SGPP2: variants seen among roughly 807,000 people sequenced by gnomAD.
The protein encoded by SGPP2 is sphingosine 1-phosphate phosphohydrolase 2.
Under a neutral mutation model 33.9 loss-of-function variants are expected in SGPP2, and 30 were observed. The ratio of observed to expected loss-of-function variants is 0.89; its 90% CI spans 0.66 to 1.20. The LOEUF (loss-of-function observed/expected upper bound fraction) is 1.20, where lower values mean the gene tolerates loss of function less well. Ranked by LOEUF, SGPP2 falls within the 50% of genes most tolerant of loss-of-function variation. The pLI is 0.00. For missense variants in SGPP2, 458 were observed against 532.1 expected, an observed-to-expected ratio of 0.86 and a Z score of 1.37; for synonymous variants, 233 against 225.0, an observed-to-expected ratio of 1.04 and a Z score of -0.32.
At chr2:222,543,488 A>G (rs917161465) in intron 4 of SGPP2, among the ~76,000 whole-genome samples, 1 of 152,244 alleles carries the variant, frequency 6.6e-6, no homozygotes, top group East Asian at 1.9e-4. Flanking sequence ...ATAAAGCTTA[A>G]TTTATAAATT....
chr2:222,505,788 A>T (rs866079252), intron 2 of SGPP2, among the ~76,000 whole-genome samples: 1 of 151,940 alleles, frequency 6.6e-6, no homozygotes, highest in African/African-American at 2.4e-5. Flanking sequence ...TACAAAAATT[A>T]TCTGGGTTTG....
intron 2 of SGPP2, among the ~76,000 whole-genome samples, chr2:222,492,129 T>A (rs1349866723): frequency 6.6e-6 from 1 of 152,204 alleles, no homozygotes; most frequent in Non-Finnish European, 1.5e-5. Flanking sequence ...TGGTGCAAGC[T>A]GTCAATGGAT....
At chr2:222,503,548 A>G (rs989563223) in intron 2 of SGPP2, among the ~76,000 whole-genome samples, 1 of 152,222 alleles carries the variant, frequency 6.6e-6, no homozygotes, top group African/African-American at 2.4e-5. Flanking sequence ...TGTATAAATT[A>G]CAGGCCATCA....
chr2:222,443,965 T>C (rs1349468305), intron 1 of SGPP2, among the ~76,000 whole-genome samples: 2 of 152,242 alleles, frequency 1.3e-5, no homozygotes, highest in Non-Finnish European at 2.9e-5. Flanking sequence ...AGATCATCTG[T>C]GGAAGTGCTG....
At chr2:222,546,743 T>G (rs182726932) in intron 4 of SGPP2, among the ~76,000 whole-genome samples, 1 of 151,488 alleles carries the variant, frequency 6.6e-6, no homozygotes, top group African/African-American at 2.4e-5. Context: ...TGTATTACTA[T>G]ATTGGAATAT....
intron 2 of SGPP2, among the ~76,000 whole-genome samples, chr2:222,492,381 C>A (rs780984910): frequency 1.3e-5 from 2 of 152,230 alleles, no homozygotes; most frequent in Admixed American, 6.5e-5. Flanking sequence ...TTCTGTGTGC[C>A]CACAGGCCCA....
intron 1 of SGPP2, among the ~76,000 whole-genome samples, chr2:222,467,720 A>G (rs1697766983): frequency 6.6e-6 from 1 of 152,068 alleles, no homozygotes; most frequent in Non-Finnish European, 1.5e-5. Context: ...GTTTTGTAAA[A>G]GAGCTTTGAA....
intron 2 of SGPP2, among the ~76,000 whole-genome samples, chr2:222,478,247 C>A (rs1203616461): frequency 6.9e-6 from 1 of 144,200 alleles, no homozygotes; most frequent in Non-Finnish European, 1.5e-5. Context: ...GTTTGTGCAT[C>A]TTCGTGTATG....
At chr2:222,549,321 G>A (rs1689252976) in intron 4 of SGPP2, among the ~76,000 whole-genome samples, 1 of 152,238 alleles carries the variant, frequency 6.6e-6, no homozygotes, top group Non-Finnish European at 1.5e-5. Context: ...GATGTTTGGA[G>A]ATAGAATGGA....
upstream of SGPP2, among the ~76,000 whole-genome samples, chr2:222,424,353 C>T (rs886361301): frequency 1.3e-5 from 2 of 152,098 alleles, no homozygotes; most frequent in Non-Finnish European, 2.9e-5. Context: ...GGTCCTGCCC[C>T]CGTGGCCGCC....
chr2:222,434,093 C>T (rs1697199173), intron 1 of SGPP2, among the ~76,000 whole-genome samples: 1 of 152,130 alleles, frequency 6.6e-6, no homozygotes, highest in South Asian at 2.1e-4. Flanking sequence ...TGAGAAAACA[C>T]TGTCACAGTT....
At position 222,457,477 on chromosome 2, in the gene SGPP2, G is replaced by T. The variant is rs72966727; in HGVS notation, c.220-17091G>T. Among the ~76,000 whole-genome samples the T allele has an allele frequency of 3.8e-4, 58 of 152,128 alleles. 1 individual carries two copies. Among genetic ancestry groups the T allele is most frequent in the African/African-American group, 1.3e-3 (53 of 41,524 alleles). ...GCAATCAGGCGACCTCTAAAATTGCGAGCTTTTAAGGTAAACACAAATGTA... is the reference window on the plus strand; with the variant it reads ...GCAATCAGGCGACCTCTAAAATTGCTAGCTTTTAAGGTAAACACAAATGTA... On this transcript the variant is annotated intron_variant, in intron 1 of 4. Coordinates refer to ENST00000321276, the MANE Select transcript of SGPP2 (RefSeq NM_152386.4).
chr2:222,554,718 G>A (rs553819102), intron 4 of SGPP2, among the ~76,000 whole-genome samples: 2 of 152,284 alleles, frequency 1.3e-5, no homozygotes, highest in South Asian at 4.1e-4. Flanking sequence ...GTGTGGGAAG[G>A]TGGAGAAGGG....
chr2:222,450,295 G>A (rs1331246419), intron 1 of SGPP2, among the ~76,000 whole-genome samples: 1 of 152,208 alleles, frequency 6.6e-6, no homozygotes, highest in African/African-American at 2.4e-5. Flanking sequence ...AGCTTAAAGA[G>A]TCTGCCCTTC....
intron 2 of SGPP2, among the ~76,000 whole-genome samples, chr2:222,491,248 C>T (rs1698193008): frequency 6.6e-6 from 1 of 152,162 alleles, no homozygotes; most frequent in South Asian, 2.1e-4. Context: ...AATCCCCCTG[C>T]CTCAGCTTCC....
intron 1 of SGPP2, among the ~76,000 whole-genome samples, chr2:222,462,837 AAAAC>A (rs976565783): frequency 9.2e-5 from 14 of 152,118 alleles, no homozygotes; most frequent in African/African-American, 2.9e-4. Flanking sequence ...GATAATCAGA[AAAAC>A]AAACAAACAA....
intron 1 of SGPP2, among the ~76,000 whole-genome samples, chr2:222,447,567 C>G (rs567465435): frequency 5.9e-4 from 90 of 152,266 alleles, no homozygotes; most frequent in Middle Eastern, 6.8e-3. Context: ...GTGATTGTTG[C>G]AGAACCATAG....
intron 2 of SGPP2, among the ~76,000 whole-genome samples, chr2:222,518,517 G>A (rs1698638993): frequency 6.6e-6 from 1 of 152,204 alleles, no homozygotes; most frequent in South Asian, 2.1e-4. Flanking sequence ...GTTGGTGAGT[G>A]AGGAAGAAGT....
intron 2 of SGPP2, among the ~76,000 whole-genome samples, chr2:222,481,530 A>G (rs969904097): frequency 1.3e-5 from 2 of 152,230 alleles, no homozygotes; most frequent in Non-Finnish European, 2.9e-5. Context: ...TTAATTCTAT[A>G]GTATCATCAA....
Sources: allele counts gnomAD v4.1 joint callset (sites outside exome capture counted in the v4.1 genomes callset), GRCh38; gene constraint gnomAD v4.1.1; transcripts MANE v1.5; gene names NCBI Gene and HGNC (gene_info 2026-07-23, HGNC 2026-07-21).